ZDHHC17: variants seen among roughly 807,000 people sequenced by gnomAD.
The protein encoded by ZDHHC17 is palmitoyltransferase ZDHHC17.
Under a neutral mutation model 90.3 loss-of-function variants are expected in ZDHHC17, and 40 were observed. The observed-to-expected ratio is 0.44, with a 90% CI of 0.34 to 0.58. The LOEUF is 0.58. ZDHHC17 is among the 20% of genes least tolerant of loss of function. The pLI, the probability that ZDHHC17 is intolerant of heterozygous loss-of-function variation, is 0.01. For missense variants in ZDHHC17, 614 were observed against 780.8 expected (o/e 0.79, Z 2.55); for synonymous variants, 235 against 252.4 (o/e 0.93, Z 0.65).
intron 5 of ZDHHC17, chr12:76,813,307 C>T (rs1469274416): frequency 6.8e-6 from 3 of 438,388 alleles, no homozygotes; most frequent in Non-Finnish European, 1.4e-5. Flanking sequence ...TTTTTTTAAG[C>T]CACAGGATTA....
At chr12:76,827,383 C>T (rs1232166763) in intron 9 of ZDHHC17, among the ~76,000 whole-genome samples, 2 of 152,062 alleles carry the variant, frequency 1.3e-5, no homozygotes, top group Admixed American at 6.6e-5. Flanking sequence ...TTGAGCTCGC[C>T]TTTCTATAGG....
chr12:76,779,322 G>A (rs1952597643), intron 1 of ZDHHC17, among the ~76,000 whole-genome samples: 2 of 152,096 alleles, frequency 1.3e-5, no homozygotes, highest in Non-Finnish European at 1.5e-5. Flanking sequence ...TACCCAAGAC[G>A]GGGTACTTTA....
At chr12:76,812,040 C>T in intron 5 of ZDHHC17, among the ~76,000 whole-genome samples, 1 of 152,030 alleles carries the variant, frequency 6.6e-6, no homozygotes, top group Admixed American at 6.6e-5. Context: ...AGATTTTGGT[C>T]CCATTCTCAA....
chr12:76,818,136 A>G (rs1157941870), intron 7 of ZDHHC17, among the ~76,000 whole-genome samples: 1 of 152,200 alleles, frequency 6.6e-6, no homozygotes, highest in Non-Finnish European at 1.5e-5. Context: ...TAAAGAAAAT[A>G]AAGTCTAAGG....
At chr12:76,823,579 A>C (rs1953192105) in intron 8 of ZDHHC17, among the ~76,000 whole-genome samples, 1 of 152,220 alleles carries the variant, frequency 6.6e-6, no homozygotes, top group Non-Finnish European at 1.5e-5. Context: ...AGTAGCATTA[A>C]GTTTTGAGTA....
chr12:76,767,350 G>C (rs1487979015), intron 1 of ZDHHC17, among the ~76,000 whole-genome samples: 1 of 152,206 alleles, frequency 6.6e-6, no homozygotes, highest in Admixed American at 6.5e-5. Flanking sequence ...TGAATTATTT[G>C]TGGGTAAAGA....
At chr12:76,801,450 G>A (rs976073552) in intron 2 of ZDHHC17, among the ~76,000 whole-genome samples, 1 of 151,510 alleles carries the variant, frequency 6.6e-6, no homozygotes, top group Non-Finnish European at 1.5e-5. Flanking sequence ...TCAGGAGATC[G>A]AGACCATCCT....
chr12:76,807,905 A>C (rs565786386), intron 3 of ZDHHC17, among the ~76,000 whole-genome samples: 1 of 152,348 alleles, frequency 6.6e-6, no homozygotes, highest in East Asian at 1.9e-4. Flanking sequence ...CATTTTCAGC[A>C]TTATATATAA....
intron 1 of ZDHHC17, among the ~76,000 whole-genome samples, chr12:76,793,879 T>A (rs999924388): frequency 2.0e-5 from 3 of 152,016 alleles, no homozygotes; most frequent in Non-Finnish European, 1.5e-5. Flanking sequence ...CGAGGAAAAA[T>A]TACAGGATTT....
chr12:76,778,018 G>T (rs1952578578), intron 1 of ZDHHC17, among the ~76,000 whole-genome samples: 1 of 152,150 alleles, frequency 6.6e-6, no homozygotes, highest in Non-Finnish European at 1.5e-5. Context: ...GCATTACCCT[G>T]TAGGCTTTCC....
At chr12:76,844,116 A>C (rs1446068376) in intron 12 of ZDHHC17, 1 of 152,204 alleles carries the variant, frequency 6.6e-6, no homozygotes, top group Non-Finnish European at 1.5e-5. Context: ...CTGTTCCACA[A>C]AGTATGCAGT....
intron 5 of ZDHHC17, among the ~76,000 whole-genome samples, chr12:76,812,422 TTC>T (rs1241722353): frequency 2.0e-5 from 3 of 151,818 alleles, no homozygotes; most frequent in Non-Finnish European, 2.9e-5. Flanking sequence ...GTCACACAGT[TTC>T]TCTCTCTCTC....
At chr12:76,829,972 C>T (rs909341270) in intron 10 of ZDHHC17, among the ~76,000 whole-genome samples, 3 of 152,104 alleles carry the variant, frequency 2.0e-5, no homozygotes, top group African/African-American at 2.4e-5. Flanking sequence ...GGACTACAGG[C>T]GTGCACCACC....
At chr12:76,818,950 A>T (rs1343266501) in intron 7 of ZDHHC17, among the ~76,000 whole-genome samples, 1 of 152,226 alleles carries the variant, frequency 6.6e-6, no homozygotes, top group African/African-American at 2.4e-5. Context: ...GATGGAGATC[A>T]GTTAGGCTGT....
At chr12:76,813,255 T>C in intron 5 of ZDHHC17, 1 of 393,524 alleles carries the variant, frequency 2.5e-6, no homozygotes, top group East Asian at 7.9e-5. Flanking sequence ...TTACTTCTCA[T>C]ATAAGAAATA....
In ZDHHC17 at chr12:76,787,048, CA is replaced by C. The variant is rs1362179615; in HGVS notation, c.94-10385del. 8.5e-5 allele frequency among the ~76,000 whole-genome samples: 13 copies of C among 152,268 alleles called. No homozygotes were observed. In the South Asian group the frequency reaches 1.5e-3, roughly 17 times the overall value. ...AATTTACATGTGCACTTGATGCAAA[CA>C]TTTAAAAAACCAAAATAAAACAACT... On this transcript the variant is annotated intron_variant, in intron 1 of 16. Transcript: ENST00000426126.
At chr12:76,803,625 T>C (rs1403381157) in intron 2 of ZDHHC17, among the ~76,000 whole-genome samples, 1 of 152,214 alleles carries the variant, frequency 6.6e-6, no homozygotes, top group African/African-American at 2.4e-5. Context: ...ATTTGGCCAT[T>C]CCCTTCACCC....
chr12:76,764,454 G>A lies in ZDHHC17; in HGVS notation c.93+125G>A, dbSNP rs373312492. 2.7e-5 allele frequency: 25 copies of A among 915,710 alleles called. 1 individual carries two copies. The African/African-American group carries it at 3.2e-4, about 12-fold the overall frequency. The allele number at this position is 915,710 out of a possible 1,614,324, so 56.7% of individuals were successfully genotyped here. A position where few individuals can be genotyped will look rare whatever the true frequency, so the allele number is the denominator to read the frequency against. On this transcript the variant is annotated intron_variant, in intron 1 of 16. Coordinates refer to ENST00000426126, the MANE Select transcript of ZDHHC17 (RefSeq NM_015336.4). ...ACGTGCCGAAGTTGGGGAGGGTGGG[G>A]AGGCGAATCCAGGCCTGAGCGCGGC...
In ZDHHC17 at chr12:76,797,511, C is replaced by A; in HGVS notation, c.171C>A (p.Ser57Arg). The A allele has an allele frequency of 6.2e-7, 1 of 1,608,730 alleles. No homozygotes were observed. Among genetic ancestry groups the A allele is most frequent in the Non-Finnish European group, 8.5e-7 (1 of 1,177,282 alleles). The change falls in exon 2 of 17, where the codon AGC (serine) becomes AGA (arginine). Residue 57 changes from serine (S) to arginine (R), a missense_variant. Coordinates refer to ENST00000426126, the MANE Select transcript of ZDHHC17 (RefSeq NM_015336.4). ...LGRKTHIDDY[S>R]TWDIVKATQY... ...GGAAAACTCATATTGATGATTACAG[C>A]ACATGGGACATAGTCAAGGCTACAC...
Sources: gnomAD v4.1 joint callset for allele counts (sites outside exome capture counted in the v4.1 genomes callset) on GRCh38, gnomAD v4.1.1 for gene constraint, MANE v1.5 for transcripts, NCBI Gene and HGNC (gene_info 2026-07-23, HGNC 2026-07-21) for gene names.